Variants in AUTS2 observed in about 807,000 individuals in gnomAD.
AUTS2 encodes autism susceptibility gene 2 protein.
Under a neutral mutation model 112.4 loss-of-function variants are expected in AUTS2, and 17 were observed. The ratio of observed to expected loss-of-function variants is 0.15; its 90% CI spans 0.10 to 0.23. The LOEUF (loss-of-function observed/expected upper bound fraction) is 0.23, where lower values mean the gene tolerates loss of function less well. Ranked by LOEUF, AUTS2 falls within the 10% of genes least tolerant of loss-of-function variation. AUTS2 has a pLI of 1.00. For missense variants in AUTS2, 1,510 were observed against 1,701.6 expected, an observed-to-expected ratio of 0.89 and a Z score of 1.98; for synonymous variants, 751 against 702.7, an observed-to-expected ratio of 1.07 and a Z score of -1.09.
intron 4 of AUTS2, among the ~76,000 whole-genome samples, chr7:70,411,063 C>T (rs1252851497): frequency 6.6e-6 from 1 of 152,066 alleles, no homozygotes; most frequent in Non-Finnish European, 1.5e-5. Flanking sequence ...TGGGGTTTCA[C>T]CATGTTGGGC....
chr7:69,776,161 C>T (rs574031819), intron 1 of AUTS2, among the ~76,000 whole-genome samples: 11 of 152,176 alleles, frequency 7.2e-5, no homozygotes, highest in African/African-American at 2.2e-4. Context: ...AATTGTGTTG[C>T]GCTTTTGGCA....
intron 4 of AUTS2, among the ~76,000 whole-genome samples, chr7:70,358,137 C>G (rs1792095933): frequency 6.6e-6 from 1 of 152,166 alleles, no homozygotes; most frequent in Non-Finnish European, 1.5e-5. Flanking sequence ...CTGTAGTTGA[C>G]TCTTCTGAGT....
At chr7:70,365,125 T>C (rs1792506870) in intron 4 of AUTS2, among the ~76,000 whole-genome samples, 1 of 152,214 alleles carries the variant, frequency 6.6e-6, no homozygotes, top group South Asian at 2.1e-4. Flanking sequence ...ACATCATCTC[T>C]GCAGAAAAGA....
intron 5 of AUTS2, among the ~76,000 whole-genome samples, chr7:70,664,988 G>A (rs531143363): frequency 3.3e-5 from 5 of 152,156 alleles, no homozygotes; most frequent in African/African-American, 7.2e-5. Context: ...CAGAAGGATC[G>A]CTTGAGCCCA....
Position 69,832,121 on chromosome 7 carries a change from C to T in AUTS2, c.310-67165C>T, listed in dbSNP as rs1322984401. Among the ~76,000 whole-genome samples the T allele has an allele frequency of 3.3e-5, 5 of 152,156 alleles. No homozygotes were observed. The East Asian group carries it at 9.6e-4, about 29-fold the overall frequency. ...GGCTTGAAATACCTGTGTTTCCTCC[C>T]CTCACCGACAACCCCCTACCCTGCT... On this transcript the variant is annotated intron_variant, in intron 1 of 18. Transcript: ENST00000342771.
intron 4 of AUTS2, among the ~76,000 whole-genome samples, chr7:70,343,940 GGT>G (rs1306392588): frequency 6.6e-6 from 1 of 152,102 alleles, no homozygotes; most frequent in African/African-American, 2.4e-5. Context: ...GGCACATAGT[GGT>G]GTGAGTGTTG....
In AUTS2 at chr7:70,780,820, TATTTCTTC is replaced by T. The variant is rs568716665; in HGVS notation, c.2005-792_2005-785del. Reference sequence around the variant, plus strand: ...GAAAGTTAGCTTATAGACATGCAAATATTTCTTCATAACTTTTGGTTACTAATGTACTG... The same window carrying T: ...GAAAGTTAGCTTATAGACATGCAAATATAACTTTTGGTTACTAATGTACTG... On this transcript the variant is annotated intron_variant, in intron 14 of 18. Transcript: ENST00000342771. Among the ~76,000 whole-genome samples the T allele has an allele frequency of 4.7e-4, 71 of 152,368 alleles. 1 individual carries two copies. In the South Asian group the frequency reaches 0.011, roughly 23 times the overall value.
rs1290387558 is a variant in AUTS2 at position 70,775,383 on chromosome 7, A to G, written c.1929A>G (p.Leu643=). The G allele has an allele frequency of 1.2e-6, 2 of 1,612,262 alleles. No individual in the cohort carries two copies. Among genetic ancestry groups the G allele is most frequent in the Middle Eastern group, 1.7e-4 (1 of 6,056 alleles). The change falls in exon 13 of 19, where the codon TTA becomes TTG. Residue 643 remains leucine (L), a synonymous_variant. Coordinates refer to ENST00000342771, the MANE Select transcript of AUTS2 (RefSeq NM_015570.4). ...PRLTDPFRPM[L]RKPGKWCAMH... ...TGACAGATCCTTTCAGACCTATGTT[A>G]AGGGTAAGAAAGCTTCTTATAGAAC...
At chr7:69,642,427 T>C (rs1794836986) in intron 1 of AUTS2, among the ~76,000 whole-genome samples, 1 of 152,200 alleles carries the variant, frequency 6.6e-6, no homozygotes, top group African/African-American at 2.4e-5. Context: ...AATGGAATAT[T>C]TGGTTTGACT....
intron 10 of AUTS2, 27 bp downstream of exon 10, chr7:70,768,095 T>A (rs777305470): frequency 1.5e-5 from 23 of 1,580,684 alleles, no homozygotes; most frequent in Non-Finnish European, 2.0e-5. Context: ...TGCTACACAT[T>A]GAATGTAACT....
At chr7:70,094,299 T>C (rs1804075071) in intron 2 of AUTS2, among the ~76,000 whole-genome samples, 1 of 152,256 alleles carries the variant, frequency 6.6e-6, no homozygotes, top group Non-Finnish European at 1.5e-5. Flanking sequence ...AACCTTTGCC[T>C]ACATGGAACC....
intron 2 of AUTS2, among the ~76,000 whole-genome samples, chr7:69,950,979 C>T (rs1797004074): frequency 6.6e-6 from 1 of 150,626 alleles, no homozygotes; most frequent in Non-Finnish European, 1.5e-5. Context: ...CTCTTTCTCT[C>T]TTTTTTTTTA....
intron 15 of AUTS2, chr7:70,784,229 T>C (rs1791280530): frequency 6.6e-6 from 1 of 152,114 alleles, no homozygotes; most frequent in Admixed American, 6.5e-5. Flanking sequence ...CTCACAATAA[T>C]GAGTTTTATA....
chr7:70,043,033 AC>A (rs949761619), intron 2 of AUTS2, among the ~76,000 whole-genome samples: 2 of 150,748 alleles, frequency 1.3e-5, no homozygotes, highest in Non-Finnish European at 2.9e-5. Context: ...AAAAAAAAAA[AC>A]CTTGCAGAGC....
chr7:70,439,628 C>T (rs191640472), intron 5 of AUTS2, among the ~76,000 whole-genome samples: 64 of 151,160 alleles, frequency 4.2e-4, no homozygotes, highest in Middle Eastern at 6.9e-3. Flanking sequence ...GATTGTTCTT[C>T]ACTGTAGTGA....
chr7:69,675,830 A>G (rs988284548), intron 1 of AUTS2, among the ~76,000 whole-genome samples: 2 of 152,004 alleles, frequency 1.3e-5, no homozygotes, highest in African/African-American at 2.4e-5. Context: ...GACTCTTTGC[A>G]CCCACAGTCC....
intron 4 of AUTS2, among the ~76,000 whole-genome samples, chr7:70,234,973 C>T (rs1481966364): frequency 6.6e-6 from 1 of 152,074 alleles, no homozygotes; most frequent in Non-Finnish European, 1.5e-5. Context: ...GTTCTCTCCT[C>T]ATGGTTGCGA....
Position 70,127,333 on chromosome 7 carries a change from C to T in AUTS2, c.625-7203C>T, listed in dbSNP as rs186243821. On this transcript the variant is annotated intron_variant, in intron 3 of 18. Transcript: ENST00000342771. The stretch of plus-strand genomic sequence containing the variant: ...ATTTTTAGTAGAAATGGGGTTTCGC[C>T]ATGTTGGCCAGGCTGGTCTCGAGCT... Among the ~76,000 whole-genome samples, 333 of 152,130 alleles carry T rather than the reference C, an allele frequency of 2.2e-3. 1 individual carries two copies. The highest frequency in any genetic ancestry group is 8.1e-3 in the South Asian group (39 of 4,812).
At chr7:70,318,922 A>C (rs1790125039) in intron 4 of AUTS2, among the ~76,000 whole-genome samples, 1 of 152,124 alleles carries the variant, frequency 6.6e-6, no homozygotes, top group South Asian at 2.1e-4. Flanking sequence ...CATTGATGTC[A>C]CTTTGGTGCT....
Sources: allele counts gnomAD v4.1 joint callset (sites outside exome capture counted in the v4.1 genomes callset), GRCh38; gene constraint gnomAD v4.1.1; transcripts MANE v1.5; gene names NCBI Gene and HGNC (gene_info 2026-07-23, HGNC 2026-07-21).